DUS2: variants seen among roughly 807,000 people sequenced by gnomAD.
DUS2 encodes the protein tRNA-dihydrouridine(20) synthase [NAD(P)+]-like.
A neutral mutation model predicts 71.3 loss-of-function variants in DUS2; 52 were observed. That is an observed-to-expected ratio of 0.73 (90% CI 0.58 to 0.92). The LOEUF (loss-of-function observed/expected upper bound fraction) is 0.92. Among genes scored for constraint, DUS2 ranks in the 40% least tolerant of loss-of-function variants. DUS2 has a pLI of 0.00. For missense variants in DUS2, 558 were observed against 622.6 expected (o/e 0.90, Z 1.10); for synonymous variants, 204 against 227.8 (o/e 0.90, Z 0.94).
At chr16:68,032,074 G>A (rs549147805) in intron 2 of DUS2, among the ~76,000 whole-genome samples, 1 of 152,348 alleles carries the variant, frequency 6.6e-6, no homozygotes, top group Non-Finnish European at 1.5e-5. Flanking sequence ...GGAAATGAGT[G>A]ACTAAAGTGG....
intron 8 of DUS2, 119 bp from the exon 9 acceptor site, chr16:68,066,198 C>A: frequency 2.2e-6 from 2 of 893,402 alleles, no homozygotes; most frequent in Non-Finnish European, 3.8e-6. Context: ...CATGCATTCA[C>A]ACATATGCAA....
chr16:68,076,776 A>G lies in DUS2; in HGVS notation c.1170+57A>G, dbSNP rs138853957. ...CAGTCACAGCACTCCCATGGCTTAC[A>G]CCCTCAACTCTAGATTGCCAGGCTG... On this transcript the variant is annotated intron_variant, in intron 15 of 16. Transcript: ENST00000565263. 3,110 of 1,468,826 alleles carry G rather than the reference A, an allele frequency of 2.1e-3. 6 individuals are homozygous for G. Among genetic ancestry groups the G allele is most frequent in the Non-Finnish European group, 2.7e-3 (2,848 of 1,051,456 alleles). The allele number at this position is 1,468,826 out of a possible 1,614,324, so 91.0% of individuals were successfully genotyped here.
intron 5 of DUS2, 71 bp downstream of exon 5, chr16:68,053,726 T>C: frequency 6.5e-7 from 1 of 1,536,024 alleles, no homozygotes; most frequent in Non-Finnish European, 9.0e-7. Flanking sequence ...TCATGCCCTG[T>C]GCCAGGCCAG....
Position 68,053,560 on chromosome 16 carries a change from G to A in DUS2, c.173-4G>A, listed in dbSNP as rs1283964897. 6.2e-7 allele frequency: 1 copy of A among 1,614,210 alleles called. No individual in the cohort carries two copies. Among genetic ancestry groups the A allele is most frequent in the Admixed American group, 1.7e-5 (1 of 60,020 alleles). ...TGACCCTATGTGTTTGGGTTTTCTT[G>A]CAGAGGTGCTCAGCACAGTGGACTT... On this transcript the variant is annotated splice_region_variant and splice_polypyrimidine_tract_variant and intron_variant, in intron 4 of 16. Transcript: ENST00000565263.
chr16:68,030,680 G>A (rs1389412559), intron 2 of DUS2, among the ~76,000 whole-genome samples: 4 of 152,050 alleles, frequency 2.6e-5, no homozygotes, highest in Non-Finnish European at 5.9e-5. Context: ...TGCATGTTTT[G>A]CATATGTATA....
chr16:68,053,766 G>A lies in DUS2; in HGVS notation c.264+111G>A, dbSNP rs533075569. On this transcript the variant is annotated intron_variant, in intron 5 of 16. Coordinates refer to ENST00000565263, the MANE Select transcript of DUS2 (RefSeq NM_017803.5). ...GAATACCTGGGGTACATTGTACAAC[G>A]ATGGCTTCCTGAAGATTCTGCTTTA... The A allele has an allele frequency of 4.8e-5, 51 of 1,068,658 alleles. No individual in the cohort carries two copies. In the South Asian group the frequency reaches 5.8e-4, roughly 12 times the overall value. 66.2% of individuals were successfully genotyped at this position (1,068,658 alleles called of 1,614,324 possible).
At chr16:68,065,926 A>C (rs1245279778) in intron 8 of DUS2, among the ~76,000 whole-genome samples, 1 of 151,948 alleles carries the variant, frequency 6.6e-6, no homozygotes, top group Non-Finnish European at 1.5e-5. Flanking sequence ...CTTCCCCTAG[A>C]GACTGACTCA....
intron 15 of DUS2, chr16:68,077,300 G>A (rs1302523023): frequency 6.6e-6 from 1 of 152,308 alleles, no homozygotes; most frequent in East Asian, 1.9e-4. Context: ...TCAAACTCCT[G>A]TGCTCAAGTG....
intron 2 of DUS2, among the ~76,000 whole-genome samples, chr16:68,035,887 TATATA>T (rs1567470042): frequency 1.1e-3 from 3 of 2,722 alleles, no homozygotes; most frequent in African/African-American, 1.2e-3. Context: ...GCTAATTTTA[TATATA>T]TATATATATA....
chr16:68,047,215 C>A (rs1022794289), intron 3 of DUS2, among the ~76,000 whole-genome samples: 2 of 149,712 alleles, frequency 1.3e-5, no homozygotes, highest in African/African-American at 4.9e-5. Flanking sequence ...GCCACCACGC[C>A]TGACTAATTT....
chr16:68,056,574 A>G (rs1451347919), intron 7 of DUS2, 150 bp downstream of exon 7: 2 of 625,478 alleles, frequency 3.2e-6, no homozygotes, highest in Admixed American at 2.8e-5. Context: ...AACTGACAAC[A>G]TTAGAATAGG....
chr16:68,024,894 C>T (rs577490355), intron 1 of DUS2, among the ~76,000 whole-genome samples: 26 of 147,924 alleles, frequency 1.8e-4, no homozygotes, highest in Non-Finnish European at 2.4e-4. Flanking sequence ...TACAGTGGTG[C>T]GATGTCAGCT....
chr16:68,026,349 A>G (rs780655567), intron 2 of DUS2, among the ~76,000 whole-genome samples: 1 of 152,200 alleles, frequency 6.6e-6, no homozygotes, highest in Non-Finnish European at 1.5e-5. Context: ...AATCACAGTT[A>G]TAAATGAAGC....
chr16:68,048,668 G>A (rs1303719112), intron 3 of DUS2, among the ~76,000 whole-genome samples: 2 of 152,214 alleles, frequency 1.3e-5, no homozygotes, highest in Non-Finnish European at 2.9e-5. Flanking sequence ...CGATGAGTGA[G>A]TAGGAGGTCA....
At chr16:68,024,831 C>CT (rs568848831) in intron 1 of DUS2, among the ~76,000 whole-genome samples, 1,851 of 132,238 alleles carry the variant, frequency 0.014, 27 homozygotes, top group East Asian at 0.091. Flanking sequence ...TGGCTGGATA[C>CT]TTTTTTTTTT....
intron 14 of DUS2, among the ~76,000 whole-genome samples, 155 bp downstream of exon 14, chr16:68,075,659 A>G (rs535523041): frequency 4.6e-5 from 7 of 152,278 alleles, no homozygotes; most frequent in Admixed American, 3.9e-4. Context: ...AGCATCCCAT[A>G]GAAGGTGCTT....
At position 68,023,354 on chromosome 16, in the gene DUS2, C is replaced by G. The variant is rs2033289753; in HGVS notation, c.-99+3C>G. 4.5e-5 allele frequency: 43 copies of G among 951,632 alleles called. 1 individual carries two copies. The South Asian group carries it at 7.6e-4, about 17-fold the overall frequency. 58.9% of individuals were successfully genotyped at this position (951,632 alleles called of 1,614,324 possible). ...CTTTTTAAGAGTTCAGCTGCGAGGT[C>G]TGTAGCTCCGAATAGGGGATGGCGA... On this transcript the variant is annotated splice_donor_region_variant and intron_variant, in intron 1 of 16. Transcript: ENST00000565263.
At chr16:68,075,287 G>T in intron 13 of DUS2, 68 bp from the exon 14 acceptor site, 1 of 1,438,752 alleles carries the variant, frequency 7.0e-7, no homozygotes, top group Non-Finnish European at 9.2e-7. Context: ...TGGGGCCCTG[G>T]GGTCCTGCAG....
At chr16:68,024,945 C>G (rs2033324039) in intron 1 of DUS2, among the ~76,000 whole-genome samples, 1 of 151,656 alleles carries the variant, frequency 6.6e-6, no homozygotes, top group African/African-American at 2.4e-5. Context: ...GATTCTCCTG[C>G]ATCAGCCATC....
Sources: gnomAD v4.1 joint callset for allele counts (sites outside exome capture counted in the v4.1 genomes callset) on GRCh38, gnomAD v4.1.1 for gene constraint, MANE v1.5 for transcripts, NCBI Gene and HGNC (gene_info 2026-07-23, HGNC 2026-07-21) for gene names.